Variants in ZBTB37 observed in about 807,000 individuals in gnomAD.
The protein encoded by ZBTB37 is zinc finger and BTB domain containing 37.
A neutral mutation model predicts 37.7 loss-of-function variants in ZBTB37; 15 were observed. The observed-to-expected ratio is 0.40, with a 90% CI of 0.27 to 0.61. ZBTB37 has a LOEUF of 0.61. Ranked by LOEUF, ZBTB37 falls within the 20% of genes least tolerant of loss-of-function variation. ZBTB37 has a pLI of 0.44. For synonymous variants in ZBTB37, 231 were observed against 220.6 expected, an observed-to-expected ratio of 1.05 and a Z score of -0.42; for missense variants, 514 against 641.9, an observed-to-expected ratio of 0.80 and a Z score of 2.15.
At chr1:173,870,447 C>T in exon 3 of ZBTB37, 1 of 1,614,224 alleles carries the variant, frequency 6.2e-7, no homozygotes, top group Admixed American at 1.7e-5. Flanking sequence ...TTTCAGTCAT[C>T]AAGAACCCTA....
chr1:173,901,118 C>T (rs189148824), exon 4 of ZBTB37: 3 of 152,290 alleles, frequency 2.0e-5, no homozygotes, highest in Admixed American at 1.3e-4. Context: ...AATGGGTTGG[C>T]TTGCTGATTC....
intron 3 of ZBTB37, 56 bp downstream of exon 3, chr1:173,871,204 A>G (rs1421889542): frequency 2.7e-6 from 4 of 1,472,138 alleles, no homozygotes; most frequent in Non-Finnish European, 3.6e-6. Flanking sequence ...AGACATCACT[A>G]AAGTGTCCTC....
At chr1:173,899,049 A>G (rs535247199) in exon 4 of ZBTB37, 1 of 152,344 alleles carries the variant, frequency 6.6e-6, no homozygotes, top group South Asian at 2.1e-4. Flanking sequence ...GCAAGTGGAG[A>G]TGCAGAGAAT....
intron 3 of ZBTB37, among the ~76,000 whole-genome samples, chr1:173,871,943 ATAAAT>A (rs1455821002): frequency 3.3e-5 from 5 of 152,276 alleles, no homozygotes; most frequent in South Asian, 2.1e-4. Flanking sequence ...CCTCTTAAAA[ATAAAT>A]TTAAATTGAC....
upstream of ZBTB37, chr1:173,868,171 G>A: frequency 1.3e-5 from 2 of 158,836 alleles, no homozygotes; most frequent in South Asian, 3.1e-4. Context: ...GCCATTGTGG[G>A]CAGAGACATG....
At chr1:173,881,830 G>A (rs1320942803) in intron 4 of ZBTB37, among the ~76,000 whole-genome samples, 6 of 152,038 alleles carry the variant, frequency 3.9e-5, no homozygotes, top group Non-Finnish European at 8.8e-5. Context: ...CGAGGCGGGC[G>A]GATCACAAGG....
At chr1:173,880,254 C>T (rs1656225463) in intron 4 of ZBTB37, among the ~76,000 whole-genome samples, 1 of 151,956 alleles carries the variant, frequency 6.6e-6, no homozygotes, top group Non-Finnish European at 1.5e-5. Flanking sequence ...TAGTAGTTGC[C>T]CAATAAATAG....
chr1:173,879,979 T>C (rs1309791470), intron 4 of ZBTB37, among the ~76,000 whole-genome samples: 1 of 152,054 alleles, frequency 6.6e-6, no homozygotes, highest in Non-Finnish European at 1.5e-5. Flanking sequence ...ACCAGCACAT[T>C]ATATTTACAC....
At chr1:173,895,440 A>T (rs1657007907) in exon 4 of ZBTB37, 1 of 152,042 alleles carries the variant, frequency 6.6e-6, no homozygotes, top group African/African-American at 2.4e-5. Context: ...TTTCTTGGAG[A>T]TATCAGTTGT....
exon 4 of ZBTB37, chr1:173,901,695 G>C (rs6672685): frequency 6.6e-6 from 1 of 152,140 alleles, no homozygotes. Context: ...GCTTGGCCTA[G>C]AACTCTGTTT....
chr1:173,899,455 A>G (rs990167382), exon 4 of ZBTB37: 2 of 152,206 alleles, frequency 1.3e-5, no homozygotes, highest in African/African-American at 4.8e-5. Context: ...TAGTGAAAAA[A>G]TGCCTAGGTA....
Position 173,870,871 on chromosome 1 carries a change from C to G in ZBTB37, c.646C>G (p.Arg216Gly). 6.2e-7 allele frequency: 1 copy of G among 1,614,168 alleles called. No individual in the cohort carries two copies. Among genetic ancestry groups the G allele is most frequent in the South Asian group, 1.1e-5 (1 of 91,080 alleles). ...CCGGGAGCCCATTCTTCGGATCAAC[C>G]GAGCAGGACAGTGGTATGTGGAGAC... The change falls in exon 3 of 5, where the codon CGA becomes GGA. Residue 216 changes from arginine to glycine, a missense_variant. Around this residue, in one of 3 missense-constraint regions of ZBTB37, gnomAD observed 323 missense variants for 321.9 expected, o/e 1.00. Transcript: ENST00000427304.
chr1:173,873,771 T>G lies in ZBTB37; in HGVS notation c.1023+205T>G, dbSNP rs1364840894. ...ACCAGAAAGGAAAATTGCAGACTGG[T>G]ATTTCTACCAAGCATAGATGCAAAT... On this transcript the variant is annotated intron_variant, in intron 4 of 4. Coordinates refer to ENST00000427304, the Ensembl canonical transcript of ZBTB37. 34 of 722,734 alleles carry G rather than the reference T, an allele frequency of 4.7e-5. No individual in the cohort carries two copies. In the Admixed American group the frequency reaches 1.3e-3, roughly 28 times the overall value. The allele number at this position is 722,734 out of a possible 1,614,324, so 44.8% of individuals were successfully genotyped here. A position where few individuals can be genotyped will look rare whatever the true frequency, so the allele number is the denominator to read the frequency against.
chr1:173,873,413 AG>A (rs1183755264), intron 3 of ZBTB37, 53 bp from the exon 4 acceptor site: 7 of 1,504,610 alleles, frequency 4.7e-6, no homozygotes, highest in Non-Finnish European at 6.2e-6. Context: ...ACCATTTTTC[AG>A]GTTCTTTGAT....
chr1:173,876,565 G>A (rs945517866), intron 4 of ZBTB37, among the ~76,000 whole-genome samples: 3 of 152,102 alleles, frequency 2.0e-5, no homozygotes, highest in African/African-American at 4.8e-5. Context: ...TAATCCAACC[G>A]CCTCAGCCTC....
chr1:173,870,988 G>A (rs779598264), exon 3 of ZBTB37: 7 of 1,614,186 alleles, frequency 4.3e-6, no homozygotes, highest in Non-Finnish European at 5.1e-6. Flanking sequence ...GGAGTGGCTT[G>A]GGCCTGAGAA....
rs1262606824 is a variant in ZBTB37, at chr1:173,874,952, G to T, written c.1023+1386G>T. Among the ~76,000 whole-genome samples the T allele has an allele frequency of 2.0e-5, 3 of 151,612 alleles. No homozygotes were observed. In the East Asian group the frequency reaches 5.8e-4, roughly 29 times the overall value. On this transcript the variant is annotated intron_variant, in intron 4 of 4. Transcript: ENST00000427304. Reference sequence around the variant, plus strand: ...TGGGCGTGCAGGAAAATACACTTTCGATGTCAGCAGAGTTTGGGAAATATA... The same window carrying T: ...TGGGCGTGCAGGAAAATACACTTTCTATGTCAGCAGAGTTTGGGAAATATA...
chr1:173,899,565 A>G (rs554413142), exon 4 of ZBTB37: 13 of 152,282 alleles, frequency 8.5e-5, no homozygotes, highest in Admixed American at 1.3e-4. Flanking sequence ...TATGCTTTCT[A>G]TTACAGGACT....
downstream of ZBTB37, chr1:173,889,935 G>A (rs1437888562): frequency 2.0e-5 from 3 of 152,214 alleles, no homozygotes; most frequent in Non-Finnish European, 4.4e-5. Flanking sequence ...AAGATGGTTT[G>A]AAGATAGAAA....
Sources: gnomAD v4.1 joint callset for allele counts (sites outside exome capture counted in the v4.1 genomes callset) on GRCh38, gnomAD v4.1.1 for gene constraint, gnomAD v4.1.1 regional missense constraint, MANE v1.5 for transcripts, NCBI Gene and HGNC (gene_info 2026-07-23, HGNC 2026-07-21) for gene names.